The following NCAM2 variants were observed in gnomAD, a reference collection of about 807,000 sequenced individuals.
The protein encoded by NCAM2 is neural cell adhesion molecule 2.
NCAM2 carries 30 observed loss-of-function variants against 98.1 expected under a neutral mutation model. The ratio of observed to expected loss-of-function variants is 0.31; its 90% CI spans 0.23 to 0.41. The LOEUF (loss-of-function observed/expected upper bound fraction) is 0.41. Ranked by LOEUF, NCAM2 falls within the 10% of genes least tolerant of loss-of-function variation. NCAM2 has a pLI of 1.00. For missense variants in NCAM2, 867 were observed against 1,005.8 expected (o/e 0.86, Z 1.87); for synonymous variants, 368 against 342.4 (o/e 1.07, Z -0.83).
intron 10 of NCAM2, among the ~76,000 whole-genome samples, chr21:21,414,645 A>G (rs1389251019): frequency 6.6e-6 from 1 of 150,672 alleles, no homozygotes; most frequent in East Asian, 2.0e-4. Flanking sequence ...ATTTTTTTGT[A>G]TTTTTAGTTG....
intron 1 of NCAM2, among the ~76,000 whole-genome samples, chr21:21,081,435 G>C (rs2065796269): frequency 1.3e-5 from 2 of 152,094 alleles, no homozygotes; most frequent in South Asian, 4.1e-4. Flanking sequence ...GGTGTGTGTT[G>C]AGGTGGAACC....
intron 1 of NCAM2, among the ~76,000 whole-genome samples, chr21:21,153,076 C>T (rs1263416789): frequency 6.6e-6 from 1 of 151,684 alleles, no homozygotes; most frequent in Non-Finnish European, 1.5e-5. Context: ...CCAGATGTGA[C>T]AGTATTTATT....
intron 1 of NCAM2, among the ~76,000 whole-genome samples, chr21:21,182,582 C>T (rs1459052994): frequency 2.0e-5 from 3 of 152,036 alleles, no homozygotes; most frequent in Non-Finnish European, 4.4e-5. Flanking sequence ...TAAATTTTGT[C>T]ATGTGTCTGT....
intron 11 of NCAM2, among the ~76,000 whole-genome samples, chr21:21,426,613 C>T (rs552000038): frequency 6.6e-6 from 1 of 152,290 alleles, no homozygotes; most frequent in South Asian, 2.1e-4. Context: ...TGCCAAGTTA[C>T]CCCTCAGCTA....
chr21:21,297,347 A>G (rs183615750), intron 5 of NCAM2, among the ~76,000 whole-genome samples: 1 of 151,696 alleles, frequency 6.6e-6, no homozygotes, highest in Non-Finnish European at 1.5e-5. Flanking sequence ...CTTGATAGTC[A>G]TAAAAAAATT....
intron 1 of NCAM2, among the ~76,000 whole-genome samples, chr21:21,271,654 T>C (rs1345542361): frequency 6.6e-6 from 1 of 152,152 alleles, no homozygotes; most frequent in Non-Finnish European, 1.5e-5. Context: ...AATGTGGCTA[T>C]TTGGAGTACT....
intron 6 of NCAM2, among the ~76,000 whole-genome samples, chr21:21,331,292 A>G (rs1339706337): frequency 6.6e-6 from 1 of 150,986 alleles, no homozygotes; most frequent in Non-Finnish European, 1.5e-5. Flanking sequence ...ATGCGCCACA[A>G]TGCCCAATTA....
Position 21,539,330 on chromosome 21 carries a change from G to A in NCAM2, c.*1373G>A, listed in dbSNP as rs1990138658. The A allele has an allele frequency of 6.6e-6, 1 of 152,082 alleles. No individual in the cohort carries two copies. The highest frequency in any genetic ancestry group is 1.5e-5 in the Non-Finnish European group (1 of 68,022). The allele number at this position is 152,082 out of a possible 1,614,324, so 9.4% of individuals were successfully genotyped here. On this transcript the variant is annotated 3_prime_UTR_variant, in exon 18 of 18. Transcript: ENST00000400546. ...TTGGGAGCAGGTTTATTAACCTTGA[G>A]AGCCAAAGGTTTCCTTAGGCCCTGT... is the stretch of plus-strand genomic sequence containing the variant.
chr21:21,515,921 T>C (rs1466624421), intron 16 of NCAM2, among the ~76,000 whole-genome samples: 2 of 152,200 alleles, frequency 1.3e-5, no homozygotes, highest in Admixed American at 1.3e-4. Flanking sequence ...AAATAGACCA[T>C]GGGCCATGTA....
chr21:21,386,891 T>C (rs182216202), intron 9 of NCAM2, among the ~76,000 whole-genome samples: 3 of 152,296 alleles, frequency 2.0e-5, no homozygotes, highest in African/African-American at 7.2e-5. Flanking sequence ...TGTTGGCGTC[T>C]GTTTAACAGT....
chr21:21,382,964 C>T (rs1049894064), intron 9 of NCAM2, among the ~76,000 whole-genome samples: 2 of 151,882 alleles, frequency 1.3e-5, no homozygotes, highest in Non-Finnish European at 2.9e-5. Flanking sequence ...TTTTCTTCAC[C>T]TCATAAATGA....
chr21:21,213,741 A>G (rs983890652), intron 1 of NCAM2, among the ~76,000 whole-genome samples: 6 of 152,204 alleles, frequency 3.9e-5, no homozygotes, highest in Non-Finnish European at 8.8e-5. Context: ...TGGATATAAC[A>G]TCAACTGAAA....
chr21:21,492,299 G>T (rs533309649), intron 15 of NCAM2, among the ~76,000 whole-genome samples: 20 of 151,890 alleles, frequency 1.3e-4, no homozygotes, highest in African/African-American at 4.3e-4. Flanking sequence ...TATGTCTTAG[G>T]TCTAGTTCCT....
At chr21:21,374,659 A>G (rs1405900969) in intron 9 of NCAM2, among the ~76,000 whole-genome samples, 2 of 151,866 alleles carry the variant, frequency 1.3e-5, no homozygotes, top group African/African-American at 2.4e-5. Flanking sequence ...TTTGGTATAC[A>G]TGCTATTTAA....
chr21:21,160,007 G>A (rs1289857840), intron 1 of NCAM2, among the ~76,000 whole-genome samples: 1 of 152,010 alleles, frequency 6.6e-6, no homozygotes, highest in East Asian at 1.9e-4. Flanking sequence ...CCTGAGAAAA[G>A]TCAGTTTATG....
At chr21:21,152,925 A>G (rs941358671) in intron 1 of NCAM2, among the ~76,000 whole-genome samples, 2 of 151,908 alleles carry the variant, frequency 1.3e-5, no homozygotes, top group African/African-American at 4.8e-5. Context: ...AAAGTTGCGT[A>G]TGTGTCTTCA....
chr21:21,435,073 C>T (rs2077438929), intron 12 of NCAM2, among the ~76,000 whole-genome samples: 1 of 152,128 alleles, frequency 6.6e-6, no homozygotes, highest in South Asian at 2.1e-4. Context: ...TCATGGGGTG[C>T]TGCTTAGCTT....
At chr21:21,153,470 GTATAA>G (rs1336359198) in intron 1 of NCAM2, among the ~76,000 whole-genome samples, 3 of 151,814 alleles carry the variant, frequency 2.0e-5, no homozygotes, top group African/African-American at 2.4e-5. Context: ...ATATAGAAAT[GTATAA>G]TATAATAGAA....
At chr21:21,412,811 A>G (rs1315547789) in intron 10 of NCAM2, among the ~76,000 whole-genome samples, 1 of 152,108 alleles carries the variant, frequency 6.6e-6, no homozygotes, top group Non-Finnish European at 1.5e-5. Context: ...CAAAATAACA[A>G]TAATATAAAG....
Sources: allele counts gnomAD v4.1 joint callset (sites outside exome capture counted in the v4.1 genomes callset), GRCh38; gene constraint gnomAD v4.1.1; transcripts MANE v1.5; gene names NCBI Gene and HGNC (gene_info 2026-07-23, HGNC 2026-07-21).